ZFHX3: variants seen among roughly 807,000 people sequenced by gnomAD.
ZFHX3 encodes zinc finger homeobox 3, also known as zinc finger homeobox protein 3.
Under a neutral mutation model 279.1 loss-of-function variants are expected in ZFHX3, and 42 were observed. The ratio of observed to expected loss-of-function variants is 0.15; its 90% confidence interval spans 0.12 to 0.19. The LOEUF (loss-of-function observed/expected upper bound fraction) is 0.19. ZFHX3 is among the 10% of genes least tolerant of loss of function. The pLI is 1.00. For synonymous variants in ZFHX3, 2,293 were observed against 1,957.8 expected (o/e 1.17, Z -4.52); for missense variants, 4,981 against 4,754.0 (o/e 1.05, Z -1.40).
chr16:73,254,937 A>G (rs1200264153), intron 5 of ZFHX3, among the ~76,000 whole-genome samples: 1 of 151,958 alleles, frequency 6.6e-6, no homozygotes, highest in Non-Finnish European at 1.5e-5. Flanking sequence ...CCCACCATCC[A>G]TCCATCCATC....
chr16:73,216,444 C>T (rs1428051248), intron 5 of ZFHX3, among the ~76,000 whole-genome samples: 2 of 152,224 alleles, frequency 1.3e-5, no homozygotes, highest in Non-Finnish European at 2.9e-5. Flanking sequence ...CAGTACTTGT[C>T]AAACTGGATA....
intron 3 of ZFHX3, among the ~76,000 whole-genome samples, chr16:73,343,256 C>T (rs1289269009): frequency 6.6e-6 from 1 of 151,822 alleles, no homozygotes; most frequent in African/African-American, 2.4e-5. Context: ...TACATTCTGT[C>T]CATTAAAAGA....
At chr16:73,183,394 G>A (rs1203839818) in intron 5 of ZFHX3, among the ~76,000 whole-genome samples, 1 of 152,136 alleles carries the variant, frequency 6.6e-6, no homozygotes, top group Admixed American at 6.6e-5. Context: ...CTTTTAAAAG[G>A]CAGCAGTGGA....
chr16:73,124,371 T>C (rs1417969859), intron 7 of ZFHX3, among the ~76,000 whole-genome samples: 2 of 152,154 alleles, frequency 1.3e-5, no homozygotes, highest in Non-Finnish European at 2.9e-5. Flanking sequence ...GTCTCTTTTA[T>C]AAGATCACTA....
At chr16:73,634,296 C>T (rs1308806965) in intron 2 of ZFHX3, among the ~76,000 whole-genome samples, 1 of 151,658 alleles carries the variant, frequency 6.6e-6, no homozygotes, top group Admixed American at 6.6e-5. Flanking sequence ...TCCTTTCCCT[C>T]AGAGAAGTTT....
intron 1 of ZFHX3, among the ~76,000 whole-genome samples, chr16:73,004,631 G>C (rs1368124097): frequency 1.3e-5 from 2 of 152,038 alleles, no homozygotes; most frequent in African/African-American, 4.8e-5. Context: ...ATTTTTAAGA[G>C]CTCTTTATAT....
At chr16:73,055,611 G>A (rs1207482419) in intron 1 of ZFHX3, among the ~76,000 whole-genome samples, 1 of 151,950 alleles carries the variant, frequency 6.6e-6, no homozygotes, top group Non-Finnish European at 1.5e-5. Context: ...TATTTAATAG[G>A]GGTGGGGGAA....
intron 3 of ZFHX3, among the ~76,000 whole-genome samples, chr16:73,343,929 T>G (rs1339222910): frequency 6.6e-6 from 1 of 152,158 alleles, no homozygotes; most frequent in Non-Finnish European, 1.5e-5. Flanking sequence ...GCAGTAGAAT[T>G]TGACTCATAA....
In ZFHX3 at chr16:72,786,415, A is replaced by ATT. The variant is rs71156124; in HGVS notation, c.*747_*748dup. 2.1e-3 allele frequency: 303 copies of ATT among 141,640 alleles called. 7 individuals are homozygous for ATT. The East Asian group carries it at 0.047, about 22-fold the overall frequency. The allele number at this position is 141,640 out of a possible 1,614,324, so 8.8% of individuals were successfully genotyped here. A position where few individuals can be genotyped will look rare whatever the true frequency, so the allele number is the denominator to read the frequency against. On this transcript the variant is annotated 3_prime_UTR_variant, in exon 10 of 10. Coordinates refer to ENST00000268489, the MANE Select transcript of ZFHX3 (RefSeq NM_006885.4). Reference sequence around the variant, plus strand: ...ACACTCTTTGTGTGTGTGGGTTATTATTTTTTTTTTTTTTTGAAAGTGGGA... The same window carrying ATT: ...ACACTCTTTGTGTGTGTGGGTTATTATTTTTTTTTTTTTTTTTGAAAGTGGGA...
chr16:72,978,981 G>C (rs370450754), intron 1 of ZFHX3, among the ~76,000 whole-genome samples: 7 of 152,150 alleles, frequency 4.6e-5, no homozygotes, highest in Non-Finnish European at 7.3e-5. Flanking sequence ...TAGATGAAGA[G>C]GCAGAGGTCT....
chr16:73,075,821 A>G (rs1965882243), intron 8 of ZFHX3, among the ~76,000 whole-genome samples: 1 of 151,970 alleles, frequency 6.6e-6, no homozygotes, highest in Non-Finnish European at 1.5e-5. Context: ...TTTGGTGGAG[A>G]CAGGGTTTCA....
At chr16:73,581,752 C>A (rs2051863887) in intron 2 of ZFHX3, among the ~76,000 whole-genome samples, 1 of 143,692 alleles carries the variant, frequency 7.0e-6, no homozygotes, top group Admixed American at 7.3e-5. Flanking sequence ...TTCACTGCAA[C>A]CTCCACCTCC....
intron 1 of ZFHX3, among the ~76,000 whole-genome samples, chr16:73,736,161 A>G (rs1451997019): frequency 6.6e-6 from 1 of 152,094 alleles, no homozygotes; most frequent in East Asian, 1.9e-4. Flanking sequence ...ACAGATGGGG[A>G]TTCTAGTTTG....
At chr16:73,236,356 G>T (rs1204022654) in intron 5 of ZFHX3, among the ~76,000 whole-genome samples, 3 of 152,198 alleles carry the variant, frequency 2.0e-5, no homozygotes, top group African/African-American at 7.2e-5. Flanking sequence ...CCAGCCCTTT[G>T]CAAGGCCGAG....
intron 2 of ZFHX3, among the ~76,000 whole-genome samples, chr16:73,512,029 G>C (rs1597364809): frequency 6.6e-6 from 1 of 152,118 alleles, no homozygotes; most frequent in East Asian, 1.9e-4. Flanking sequence ...ACCAGGGTTA[G>C]ATCTCAGGAC....
intron 4 of ZFHX3, among the ~76,000 whole-genome samples, chr16:73,272,822 C>G (rs2014185193): frequency 6.6e-6 from 1 of 152,178 alleles, no homozygotes; most frequent in Non-Finnish European, 1.5e-5. Flanking sequence ...ACATGGTTCA[C>G]TGCAGCCTTA....
chr16:73,890,788 C>T (rs529066575), intron 1 of ZFHX3, among the ~76,000 whole-genome samples: 1 of 152,268 alleles, frequency 6.6e-6, no homozygotes, highest in Non-Finnish European at 1.5e-5. Context: ...CAAATAATCA[C>T]GTGCGCTAGG....
intron 1 of ZFHX3, among the ~76,000 whole-genome samples, chr16:73,812,461 C>A (rs1322745373): frequency 6.6e-6 from 1 of 152,150 alleles, no homozygotes; most frequent in Non-Finnish European, 1.5e-5. Flanking sequence ...AAACTGACTG[C>A]ATTCGTTGAC....
intron 1 of ZFHX3, among the ~76,000 whole-genome samples, chr16:72,986,675 G>C (rs142574011): frequency 6.6e-6 from 1 of 152,232 alleles, no homozygotes; most frequent in East Asian, 1.9e-4. Flanking sequence ...TGTTCAAGAG[G>C]AACTGCAATG....
Sources: allele counts gnomAD v4.1 joint callset (sites outside exome capture counted in the v4.1 genomes callset), GRCh38; gene constraint gnomAD v4.1.1; transcripts MANE v1.5; gene names NCBI Gene and HGNC (gene_info 2026-07-23, HGNC 2026-07-21).